CDCA5: variants seen among roughly 807,000 people sequenced by gnomAD.
CDCA5 encodes the protein sororin.
A neutral mutation model predicts 25.7 loss-of-function variants in CDCA5; 14 were observed. The ratio of observed to expected loss-of-function variants is 0.54; its 90% confidence interval spans 0.36 to 0.85. CDCA5 has a LOEUF of 0.85. CDCA5 is among the 40% of genes least tolerant of loss of function. The pLI is 0.01. For synonymous variants in CDCA5, 127 were observed against 128.7 expected (o/e 0.99, Z 0.09); for missense variants, 307 against 324.5 (o/e 0.95, Z 0.41).
downstream of CDCA5, chr11:65,066,238 C>T (rs1180969058): frequency 5.5e-6 from 4 of 732,688 alleles, no homozygotes; most frequent in East Asian, 7.7e-5. Context: ...TCAGTGTGGA[C>T]GTGGTGACCT....
At position 65,083,698 on chromosome 11, in the gene CDCA5, C is replaced by T. The variant is rs768652728; in HGVS notation, c.72G>A (p.Lys24=). ...ATTTCCGCTGGGACCTCCGCAGAGGCTTAGTAGGAGATGGGGCCCTTGGCC... is the reference window on the plus strand; with the variant it reads ...ATTTCCGCTGGGACCTCCGCAGAGGTTTAGTAGGAGATGGGGCCCTTGGCC... ...RSGPRAPSPT[K]PLRRSQRKSG... is the part of the protein sequence containing the mutation. The change falls in exon 2 of 6, where the codon AAG becomes AAA. Residue 24 remains lysine (K), a synonymous_variant. Transcript: ENST00000275517. 1 of 1,614,062 alleles carries T rather than the reference C, an allele frequency of 6.2e-7. No individual in the cohort carries two copies. The highest frequency in any genetic ancestry group is 1.7e-5 in the Admixed American group (1 of 59,994).
At chr11:65,065,334 C>G (rs1035798066), downstream of CDCA5, among the ~76,000 whole-genome samples, 1 of 152,102 alleles carries the variant, frequency 6.6e-6, no homozygotes, top group Non-Finnish European at 1.5e-5. Flanking sequence ...GTCGTCCAGG[C>G]TGGAGTACAG....
At position 65,078,886 on chromosome 11, in the gene CDCA5, G is replaced by C. The variant is rs1448618331; in HGVS notation, c.*221C>G. ...AGGAAGGACAGGACGACAAGAGACA[G>C]GACACCAGTGAGTGGCTGGGCCAGG... is the stretch of plus-strand genomic sequence containing the variant. On this transcript the variant is annotated 3_prime_UTR_variant, in exon 6 of 6. Coordinates refer to ENST00000275517, the MANE Select transcript of CDCA5 (RefSeq NM_080668.4). The C allele has an allele frequency of 8.0e-7, 1 of 1,249,580 alleles. No individual in the cohort carries two copies. Among genetic ancestry groups the C allele is most frequent in the African/African-American group, 1.5e-5 (1 of 64,886 alleles). 77.4% of individuals were successfully genotyped at this position (1,249,580 alleles called of 1,614,324 possible).
At chr11:65,083,761 C>G (rs891362631) in intron 1 of CDCA5, 38 bp from the exon 2 acceptor site, 2 of 1,594,242 alleles carry the variant, frequency 1.3e-6, no homozygotes, top group African/African-American at 2.7e-5. Flanking sequence ...GAGGAGGACT[C>G]TAGACCTTAG....
chr11:65,068,444 C>T (rs755450288), intron 2 of CDCA5: 1 of 1,140,940 alleles, frequency 8.8e-7, no homozygotes, highest in South Asian at 1.3e-5. Flanking sequence ...GCTCTCCTGC[C>T]TCCCCTGCCC....
rs1034636162 is a variant in CDCA5, at chr11:65,077,661, G to A, written c.*1446C>T. 32 of 985,318 alleles carry A rather than the reference G, an allele frequency of 3.2e-5. No individual in the cohort carries two copies. Among genetic ancestry groups the A allele is most frequent in the Admixed American group, 6.2e-5 (1 of 16,252 alleles). 61.0% of individuals were successfully genotyped at this position (985,318 alleles called of 1,614,324 possible). On this transcript the variant is annotated 3_prime_UTR_variant, in exon 6 of 6. Transcript: ENST00000275517. The stretch of plus-strand genomic sequence containing the variant: ...AGTGAGGACAAGAGTTCTTCAGTGC[G>A]GTTCAGCTCAAGGACACCTAGGCTT...
In CDCA5 at chr11:65,068,089, G is replaced by A. The variant is rs79858190; in HGVS notation, c.207C>T (p.Thr69=). The A allele has an allele frequency of 9.7e-3, 12,483 of 1,289,278 alleles. 208 individuals are homozygous for A. Among genetic ancestry groups the A allele is most frequent in the Admixed American group, 0.078 (3,399 of 43,550 alleles). The allele number at this position is 1,289,278 out of a possible 1,614,324, so 79.9% of individuals were successfully genotyped here. ...TCAGGAGTGTAAACAGGAACGTGAC[G>A]GTGGGTTCCAGTTGTTCTGAGGAAG... The change falls in exon 3 of 7, where the codon ACC becomes ACT. Residue 69 remains threonine (T), a synonymous_variant. Transcript: ENST00000525464.
chr11:65,079,298 G>A (rs763338557), intron 5 of CDCA5, 55 bp downstream of exon 5: 14 of 1,612,960 alleles, frequency 8.7e-6, no homozygotes, highest in African/African-American at 4.0e-5. Context: ...CAGAGCCCCA[G>A]CCCTGCACGT....
downstream of CDCA5, among the ~76,000 whole-genome samples, chr11:65,073,217 T>C (rs927517728): frequency 6.6e-6 from 1 of 152,102 alleles, no homozygotes; most frequent in African/African-American, 2.4e-5. Context: ...AGTGCTGGGA[T>C]TACAGGTGTG....
chr11:65,066,654 T>C (rs1947244304), exon 6 of CDCA5: 6 of 1,289,306 alleles, frequency 4.7e-6, no homozygotes, highest in Non-Finnish European at 4.0e-6. Context: ...GGCTCCCTCC[T>C]TCAGGCTCTT....
intron 4 of CDCA5, 22 bp from the exon 5 acceptor site, chr11:65,079,809 G>C (rs1947528046): frequency 6.9e-7 from 1 of 1,450,142 alleles, no homozygotes. Flanking sequence ...CAGAAGAGGG[G>C]ATGCCCTCAA....
At chr11:65,072,352 G>A (rs1017038348) in intron 1 of CDCA5, among the ~76,000 whole-genome samples, 3 of 152,194 alleles carry the variant, frequency 2.0e-5, no homozygotes, top group Non-Finnish European at 4.4e-5. Flanking sequence ...CATCTGAAAG[G>A]GTGGTGAGCT....
chr11:65,083,151 G>C (rs553343496), intron 4 of CDCA5: 2 of 591,074 alleles, frequency 3.4e-6, no homozygotes, highest in Non-Finnish European at 6.0e-6. Flanking sequence ...GAAGTTCCAG[G>C]AAAATGGTAG....
At chr11:65,079,279 C>G (rs745491639) in intron 5 of CDCA5, 74 bp downstream of exon 5, 4 of 1,610,740 alleles carry the variant, frequency 2.5e-6, no homozygotes. Flanking sequence ...GCCTATCCCC[C>G]AAAAGAGCCA....
chr11:65,079,256 C>G (rs1947507482), intron 5 of CDCA5, 69 bp from the exon 6 acceptor site: 1 of 1,600,546 alleles, frequency 6.2e-7, no homozygotes, highest in South Asian at 1.1e-5. Context: ...CTCACCCACA[C>G]CCTGCAGGTG....
At chr11:65,074,712 C>A (rs1947405578), downstream of CDCA5, among the ~76,000 whole-genome samples, 1 of 145,982 alleles carries the variant, frequency 6.9e-6, no homozygotes, top group Non-Finnish European at 1.5e-5. Context: ...GCAGTCCAGC[C>A]TGGGCGACGG....
intron 4 of CDCA5, among the ~76,000 whole-genome samples, chr11:65,080,836 A>G (rs1054379661): frequency 6.6e-6 from 1 of 152,252 alleles, no homozygotes; most frequent in Non-Finnish European, 1.5e-5. Flanking sequence ...AAAAACAGGT[A>G]AGAAAATTCA....
Position 65,079,523 on chromosome 11 carries a change from C to A in CDCA5, c.508G>T (p.Gly170Trp). ...PGRRSCFGFE[G>W]LLGAEDLSGV... The stretch of plus-strand genomic sequence containing the variant: ...GACAAGTCTTCTGCCCCCAGCAGCC[C>A]CTCGAAGCCAAAGCAGGACCGGCGG... Residue 170 changes from glycine to tryptophan, a missense_variant, in exon 5 of 6, where the codon GGG becomes TGG. By Grantham distance (184) the Gly-to-Trp change is radical. Coordinates refer to ENST00000275517, the MANE Select transcript of CDCA5 (RefSeq NM_080668.4). 6.2e-7 allele frequency: 1 copy of A among 1,614,164 alleles called. No homozygotes were observed. Among genetic ancestry groups the A allele is most frequent in the Non-Finnish European group, 8.5e-7 (1 of 1,180,024 alleles).
At chr11:65,068,088 C>T (rs926936833) in exon 3 of CDCA5, 16 of 1,289,198 alleles carry the variant, frequency 1.2e-5, no homozygotes, top group Middle Eastern at 2.1e-4. Context: ...AGGAACGTGA[C>T]GGTGGGTTCC....
Sources: allele counts gnomAD v4.1 joint callset (sites outside exome capture counted in the v4.1 genomes callset), GRCh38; gene constraint gnomAD v4.1.1; transcripts MANE v1.5; gene names NCBI Gene and HGNC (gene_info 2026-07-23, HGNC 2026-07-21).